The following ACTR3C variants were observed in gnomAD, a reference collection of about 807,000 sequenced individuals.
The protein encoded by ACTR3C is actin-related protein 3C.
In ACTR3C, 18 loss-of-function variants were observed where a neutral mutation model predicts 26.3. That is an observed-to-expected ratio of 0.68 (90% CI 0.47 to 1.01). The LOEUF is 1.01. ACTR3C is among the 50% of genes least tolerant of loss of function. The pLI, the probability that ACTR3C is intolerant of heterozygous loss-of-function variation, is 0.00. For synonymous variants in ACTR3C, 55 were observed against 94.5 expected, an observed-to-expected ratio of 0.58 and a Z score of 2.42; for missense variants, 184 against 250.7, an observed-to-expected ratio of 0.73 and a Z score of 1.80.
chr7:150,042,400 GCT>G, the ACTR3C span, among the ~76,000 whole-genome samples: 1 of 129,682 alleles, frequency 7.7e-6, no homozygotes, highest in Non-Finnish European at 1.7e-5. Flanking sequence ...AGAGGGGCTC[GCT>G]CTCAGTCCCC....
chr7:150,291,448 G>C (rs1233203114), intron 3 of ACTR3C, among the ~76,000 whole-genome samples: 1 of 152,094 alleles, frequency 6.6e-6, no homozygotes, highest in Non-Finnish European at 1.5e-5. Flanking sequence ...AAGAAAAAGA[G>C]CTTAAAGACT....
the ACTR3C span, among the ~76,000 whole-genome samples, chr7:150,170,065 T>C: frequency 2.0e-5 from 3 of 149,128 alleles, no homozygotes; most frequent in Non-Finnish European, 4.4e-5. Flanking sequence ...TCAGAGTCTC[T>C]TGAAAGCCTG....
chr7:150,261,843 G>C (rs865946561), intron 6 of ACTR3C, among the ~76,000 whole-genome samples: 1 of 152,270 alleles, frequency 6.6e-6, no homozygotes, highest in Non-Finnish European at 1.5e-5. Context: ...AGGTGTACTA[G>C]GAATTCTACT....
At chr7:150,083,518 G>C in the ACTR3C span, among the ~76,000 whole-genome samples, 1 of 152,120 alleles carries the variant, frequency 6.6e-6, no homozygotes, top group African/African-American at 2.4e-5. Context: ...AGTGAGACAT[G>C]ATTGCACCAC....
the ACTR3C span, among the ~76,000 whole-genome samples, chr7:150,142,653 T>A: frequency 7.0e-6 from 1 of 142,098 alleles, no homozygotes; most frequent in African/African-American, 2.6e-5. Flanking sequence ...CTTAGCCTCC[T>A]GAGTAGCTGG....
the ACTR3C span, among the ~76,000 whole-genome samples, chr7:149,905,582 TA>T: frequency 1.3e-5 from 2 of 150,944 alleles, no homozygotes; most frequent in Admixed American, 6.6e-5. Context: ...TGTCATAGAA[TA>T]AAAAAGTATC....
chr7:149,981,621 G>T, the ACTR3C span, among the ~76,000 whole-genome samples: 70,493 of 140,120 alleles, frequency 0.5, 18,779 homozygotes, highest in Non-Finnish European at 0.62. Flanking sequence ...GTGGCAGAAG[G>T]GGGGGACAGC....
At position 150,297,079 on chromosome 7, in the gene ACTR3C, C is replaced by A. The variant is rs551480850; in HGVS notation, c.-51-1732G>T. Among the ~76,000 whole-genome samples the A allele has an allele frequency of 3.9e-5, 6 of 151,956 alleles. No individual in the cohort carries two copies. In the East Asian group the frequency reaches 7.7e-4, roughly 20 times the overall value. On this transcript the variant is annotated intron_variant, in intron 1 of 7. Transcript: ENST00000683684. ...ACAGCAGCCGAGTAGACTAATACAC[C>A]CCTACGACAGGGAAAGTACAATCAG...
chr7:150,100,725 TG>T, the ACTR3C span, among the ~76,000 whole-genome samples: 1 of 145,412 alleles, frequency 6.9e-6, no homozygotes, highest in Non-Finnish European at 1.5e-5. Flanking sequence ...TTCTTTGAGA[TG>T]GGGGCCTCAC....
chr7:150,039,533 T>G, the ACTR3C span, among the ~76,000 whole-genome samples: 1 of 88,074 alleles, frequency 1.1e-5, no homozygotes, highest in Non-Finnish European at 2.5e-5. Context: ...CCTCCTGCGA[T>G]GGGGGTCCCC....
chr7:150,232,615 G>A, the ACTR3C span, among the ~76,000 whole-genome samples: 1 of 146,002 alleles, frequency 6.8e-6, no homozygotes. Context: ...CCTGAGGTCA[G>A]GAGTTCAAGG....
the ACTR3C span, among the ~76,000 whole-genome samples, chr7:150,041,735 G>C: frequency 2.7e-5 from 4 of 146,046 alleles, no homozygotes; most frequent in East Asian, 2.1e-4. Context: ...TCCTGCGATG[G>C]GGGTCCTAAG....
the ACTR3C span, among the ~76,000 whole-genome samples, chr7:150,081,295 A>C: frequency 2.4e-3 from 356 of 150,624 alleles, 16 homozygotes; most frequent in African/African-American, 8.6e-3. Flanking sequence ...AAGAGAAGAA[A>C]TAGAAAGAGA....
chr7:149,915,453 ACTCT>A, the ACTR3C span, among the ~76,000 whole-genome samples: 2 of 151,910 alleles, frequency 1.3e-5, no homozygotes, highest in Admixed American at 6.6e-5. Context: ...CTTTAAATAA[ACTCT>A]CTATGTACAA....
At chr7:150,293,717 C>A (rs1836485685) in intron 2 of ACTR3C, among the ~76,000 whole-genome samples, 1 of 152,220 alleles carries the variant, frequency 6.6e-6, no homozygotes, top group Non-Finnish European at 1.5e-5. Flanking sequence ...AGGCAGATCA[C>A]TTGAACCCAA....
chr7:150,320,658 A>C (rs1797411503), intron 1 of ACTR3C, among the ~76,000 whole-genome samples: 1 of 152,146 alleles, frequency 6.6e-6, no homozygotes, highest in Non-Finnish European at 1.5e-5. Flanking sequence ...AGCTACTTCG[A>C]AGGCTGAAGC....
the ACTR3C span, among the ~76,000 whole-genome samples, chr7:150,143,346 G>C: frequency 6.6e-6 from 1 of 152,092 alleles, no homozygotes; most frequent in African/African-American, 2.4e-5. Context: ...ACAGAGTTAT[G>C]ATATCAAAGC....
chr7:150,036,613 C>T, the ACTR3C span, among the ~76,000 whole-genome samples: 15 of 143,732 alleles, frequency 1.0e-4, 1 homozygote, highest in Non-Finnish European at 2.1e-4. Flanking sequence ...TTGGGATCCA[C>T]AGTCTACGAA....
At chr7:149,969,188 G>T in the ACTR3C span, among the ~76,000 whole-genome samples, 3 of 152,116 alleles carry the variant, frequency 2.0e-5, no homozygotes, top group Non-Finnish European at 4.4e-5. Flanking sequence ...TTCGTTCTTG[G>T]ACAGAAACAG....
Sources: gnomAD v4.1 joint callset for allele counts (sites outside exome capture counted in the v4.1 genomes callset) on GRCh38, gnomAD v4.1.1 for gene constraint, MANE v1.5 for transcripts, NCBI Gene and HGNC (gene_info 2026-07-23, HGNC 2026-07-21) for gene names.